The following SLC7A5 variants were observed in gnomAD, a reference collection of about 807,000 sequenced individuals.
SLC7A5 encodes the protein large neutral amino acids transporter small subunit 1.
Under a neutral mutation model 50.2 loss-of-function variants are expected in SLC7A5, and 23 were observed. The observed-to-expected ratio is 0.46, with a 90% CI of 0.33 to 0.65. The LOEUF is 0.65. Ranked by LOEUF, SLC7A5 falls within the 30% of genes least tolerant of loss-of-function variation. SLC7A5 has a pLI of 0.02. For synonymous variants in SLC7A5, 393 were observed against 330.6 expected, an observed-to-expected ratio of 1.19 and a Z score of -2.05; for missense variants, 578 against 684.4, an observed-to-expected ratio of 0.84 and a Z score of 1.73.
chr16:87,832,992 T>A lies in SLC7A5; in HGVS notation c.1502A>T (p.Gln501Leu), dbSNP rs139296805. The A allele has an allele frequency of 9.5e-5, 154 of 1,613,788 alleles. No homozygotes were observed. Among genetic ancestry groups the A allele is most frequent in the Non-Finnish European group, 1.3e-4 (149 of 1,179,832 alleles). ...STTVLCQKLM[Q>L]VVPQET ...TGGCTATGTCTCCTGGGGGACCACC[T>A]GCATGAGCTTCTGACACAGGACGGT... The change falls in exon 10 of 10, where the codon CAG (glutamine) becomes CTG (leucine). Residue 501 changes from glutamine to leucine, a missense_variant. Gln to Leu is a moderately radical substitution (Grantham distance 113). Transcript: ENST00000261622. The surrounding 1 kb of genome is among the most constrained non-coding windows in gnomAD (Gnocchi z 4.6).
chr16:87,868,564 G>T (rs1216104849), intron 1 of SLC7A5, among the ~76,000 whole-genome samples: 1 of 152,224 alleles, frequency 6.6e-6, no homozygotes, highest in Non-Finnish European at 1.5e-5. Context: ...AAGAGGCTGG[G>T]AGTATTGCTC....
intron 1 of SLC7A5, among the ~76,000 whole-genome samples, chr16:87,864,951 G>A (rs574854134): frequency 6.6e-6 from 1 of 152,228 alleles, no homozygotes; most frequent in South Asian, 2.1e-4. Flanking sequence ...GGATCAGGCC[G>A]CCTTCAGCCA....
intron 2 of SLC7A5, among the ~76,000 whole-genome samples, chr16:87,849,754 A>C (rs2055196917): frequency 6.6e-6 from 1 of 152,152 alleles, no homozygotes; most frequent in African/African-American, 2.4e-5. Flanking sequence ...AGGAAGGTTC[A>C]GAATTGGGAC....
In SLC7A5 at chr16:87,839,815, G is replaced by C. The variant is rs775075152; in HGVS notation, c.826C>G (p.Leu276Val). The C allele has an allele frequency of 1.3e-5, 21 of 1,613,718 alleles. No homozygotes were observed. Among genetic ancestry groups the C allele is most frequent in the Non-Finnish European group, 1.8e-5 (21 of 1,179,960 alleles). ...ATGGGCAGGGAGATGATGATGGCCAGGGGCAGGTTTCTGGAAAGAACAGGG... is the reference window on the plus strand; with the variant it reads ...ATGGGCAGGGAGATGATGATGGCCACGGGCAGGTTTCTGGAAAGAACAGGG... The part of the protein sequence containing the change: ...EMINPYRNLP[L>V]AIIISLPIVT... The change falls in exon 5 of 10, where the codon CTG (leucine) becomes GTG (valine). Residue 276 changes from leucine (L) to valine (V), a missense_variant. Coordinates refer to ENST00000261622, the MANE Select transcript of SLC7A5 (RefSeq NM_003486.7).
intron 1 of SLC7A5, among the ~76,000 whole-genome samples, chr16:87,868,417 T>C (rs1250841527): frequency 6.6e-6 from 1 of 152,370 alleles, no homozygotes; most frequent in African/African-American, 2.4e-5. Flanking sequence ...CCCGTGTCAC[T>C]GATTCCTGAC....
Position 87,833,842 on chromosome 16 carries a change from GGTTTCT to G in SLC7A5, c.1468+566_1468+571del. Reference sequence around the variant, plus strand: ...CCGCTGCACACAGGGCCGGGGGGCGGGTTTCTCCTTCTGCCTTTTTTTTTTTTTTTG... The same window carrying G: ...CCGCTGCACACAGGGCCGGGGGGCGGCCTTCTGCCTTTTTTTTTTTTTTTG... On this transcript the variant is annotated intron_variant, in intron 9 of 9. Coordinates refer to ENST00000261622, the MANE Select transcript of SLC7A5 (RefSeq NM_003486.7). The surrounding 1 kb of genome is among the most constrained non-coding windows in gnomAD (Gnocchi z 6.0). Among the ~76,000 whole-genome samples the G allele has an allele frequency of 6.7e-6, 1 of 148,548 alleles. No individual in the cohort carries two copies. Among genetic ancestry groups the G allele is most frequent in the South Asian group, 2.1e-4 (1 of 4,768 alleles).
chr16:87,858,457 C>T (rs903496098), intron 1 of SLC7A5, among the ~76,000 whole-genome samples: 5 of 152,138 alleles, frequency 3.3e-5, no homozygotes, highest in Non-Finnish European at 7.3e-5. Flanking sequence ...ACAGCTCCAA[C>T]AGTTATGCTA....
At chr16:87,866,852 C>T (rs1216576606) in intron 1 of SLC7A5, among the ~76,000 whole-genome samples, 12 of 152,106 alleles carry the variant, frequency 7.9e-5, no homozygotes, top group East Asian at 3.8e-4. Flanking sequence ...CCCCATCCTA[C>T]GTCTCCTTCC....
intron 5 of SLC7A5, 24 bp from the exon 6 acceptor site, chr16:87,838,841 T>G: frequency 6.3e-7 from 1 of 1,588,234 alleles, no homozygotes. Flanking sequence ...ACCAGTGAGC[T>G]GGGCCCCACC....
At chr16:87,842,402 C>T (rs1050735707) in intron 2 of SLC7A5, among the ~76,000 whole-genome samples, 3 of 152,172 alleles carry the variant, frequency 2.0e-5, no homozygotes, top group Non-Finnish European at 2.9e-5. Flanking sequence ...CGCAGAGTGA[C>T]GAGGTGAGCA....
At chr16:87,865,098 C>G (rs2055443979) in intron 1 of SLC7A5, among the ~76,000 whole-genome samples, 1 of 152,062 alleles carries the variant, frequency 6.6e-6, no homozygotes, top group Non-Finnish European at 1.5e-5. Flanking sequence ...TCTGCCTGTT[C>G]AGAGAACACA....
At chr16:87,857,416 G>C (rs1449207921) in intron 1 of SLC7A5, among the ~76,000 whole-genome samples, 3 of 152,144 alleles carry the variant, frequency 2.0e-5, no homozygotes, top group African/African-American at 7.2e-5. Context: ...CTCAGTAGCT[G>C]GGATTACTGA....
chr16:87,865,370 G>A (rs561901391), intron 1 of SLC7A5, among the ~76,000 whole-genome samples: 1 of 152,288 alleles, frequency 6.6e-6, no homozygotes, highest in Middle Eastern at 3.4e-3. Context: ...GCACTCTAGG[G>A]CCTGCCTTGA....
At position 87,861,184 on chromosome 16, in the gene SLC7A5, G is replaced by A. The variant is rs2055393369; in HGVS notation, c.538+7701C>T. Reference sequence around the variant, plus strand: ...CCAGCTATCCAGGTGATGCTCCAGGGAGGGCCAGGCCTACTGGGGGGCAGA... The same window carrying A: ...CCAGCTATCCAGGTGATGCTCCAGGAAGGGCCAGGCCTACTGGGGGGCAGA... On this transcript the variant is annotated intron_variant, in intron 1 of 9. Transcript: ENST00000261622. The surrounding 1 kb of genome is among the most constrained non-coding windows in gnomAD (Gnocchi z 4.2). 3.9e-5 allele frequency among the ~76,000 whole-genome samples: 6 copies of A among 152,208 alleles called. No individual in the cohort carries two copies. Among genetic ancestry groups the A allele is most frequent in the Admixed American group, 2.0e-4 (3 of 15,288 alleles).
Position 87,869,392 on chromosome 16 carries a change from G to A in SLC7A5, c.31C>T (p.Leu11=). MAGAGPKRRA[L]AAPAAEEKEE... The stretch of plus-strand genomic sequence containing the variant: ...TTCTCCTCGGCCGCCGGCGCCGCTA[G>A]CGCGCGCCGCTTCGGGCCCGCACCC... Residue 11 remains leucine (L), a synonymous_variant, in exon 1 of 10, where the codon CTA becomes TTA. Coordinates refer to ENST00000261622, the MANE Select transcript of SLC7A5 (RefSeq NM_003486.7). The A allele has an allele frequency of 1.3e-6, 2 of 1,561,176 alleles. No homozygotes were observed. Among genetic ancestry groups the A allele is most frequent in the Non-Finnish European group, 1.7e-6 (2 of 1,159,654 alleles).
At chr16:87,847,837 T>G (rs916491181) in intron 2 of SLC7A5, among the ~76,000 whole-genome samples, 1 of 152,150 alleles carries the variant, frequency 6.6e-6, no homozygotes, top group African/African-American at 2.4e-5. Context: ...AAAACCATCA[T>G]TTCAAAACTG....
At chr16:87,867,939 C>T (rs927700223) in intron 1 of SLC7A5, among the ~76,000 whole-genome samples, 1 of 151,874 alleles carries the variant, frequency 6.6e-6, no homozygotes, top group Non-Finnish European at 1.5e-5. Flanking sequence ...CACGGTGAAA[C>T]GCCGTCTCTA....
intron 2 of SLC7A5, among the ~76,000 whole-genome samples, chr16:87,845,482 C>A (rs1421805303): frequency 1.3e-5 from 1 of 75,150 alleles, no homozygotes; most frequent in African/African-American, 9.9e-5. Flanking sequence ...GCCCACCCCA[C>A]AGAGTCCACG....
At chr16:87,847,005 T>C (rs1413369078) in intron 2 of SLC7A5, among the ~76,000 whole-genome samples, 3 of 152,114 alleles carry the variant, frequency 2.0e-5, no homozygotes, top group Non-Finnish European at 4.4e-5. Context: ...ATCTAGCACC[T>C]GCCCTTGCCC....
Sources: allele counts gnomAD v4.1 joint callset (sites outside exome capture counted in the v4.1 genomes callset), GRCh38; gene constraint gnomAD v4.1.1; non-coding constraint Gnocchi (gnomAD v3.1); transcripts MANE v1.5; gene names NCBI Gene and HGNC (gene_info 2026-07-23, HGNC 2026-07-21).